Variants in AMZ1 observed in about 807,000 individuals in gnomAD.
AMZ1 encodes archaemetzincin-1.
Under a neutral mutation model 29.9 loss-of-function variants are expected in AMZ1, and 39 were observed. The observed-to-expected ratio is 1.30, with a 90% CI of 1.01 to 1.70. The LOEUF (loss-of-function observed/expected upper bound fraction) is 1.70. Ranked by LOEUF, AMZ1 falls within the 40% of genes most tolerant of loss-of-function variation. AMZ1 has a pLI of 0.00. For synonymous variants in AMZ1, 458 were observed against 304.0 expected, an observed-to-expected ratio of 1.51 and a Z score of -5.27; for missense variants, 1,041 against 680.6, an observed-to-expected ratio of 1.53 and a Z score of -5.89.
intron 1 of AMZ1, among the ~76,000 whole-genome samples, chr7:2,698,972 A>T (rs759414503): frequency 6.6e-6 from 1 of 152,162 alleles, no homozygotes; most frequent in Non-Finnish European, 1.5e-5. Flanking sequence ...TTGCGTGTCT[A>T]GCTCAGCTTT....
At chr7:2,699,479 C>A (rs1469233673) in intron 1 of AMZ1, among the ~76,000 whole-genome samples, 1 of 152,188 alleles carries the variant, frequency 6.6e-6, no homozygotes, top group Non-Finnish European at 1.5e-5. Flanking sequence ...GGATCTCGGG[C>A]CCTCACGTGT....
chr7:2,683,085 C>T (rs1048912439), intron 1 of AMZ1, among the ~76,000 whole-genome samples: 1 of 152,240 alleles, frequency 6.6e-6, no homozygotes, highest in Non-Finnish European at 1.5e-5. Context: ...CTTCCCAGGA[C>T]TCCTTGTGCC....
chr7:2,735,292 A>G (rs1000220106), intron 4 of AMZ1, among the ~76,000 whole-genome samples: 5 of 152,162 alleles, frequency 3.3e-5, no homozygotes, highest in African/African-American at 1.2e-4. Context: ...AGCAGCTCAC[A>G]GCCCAAGCCA....
In AMZ1 at chr7:2,712,399, T is replaced by C. The variant is rs1268254604; in HGVS notation, c.1018T>C (p.Trp340Arg). Residue 340 changes from tryptophan to arginine, a missense_variant, in exon 7 of 7, where the codon TGG becomes CGG. Transcript: ENST00000683327. ...PSQEAGEPSV[W>R]EDTPPASADS... ...CCAGGAGGCGGGGGAGCCGTCAGTG[T>C]GGGAGGACACCCCGCCTGCCAGCGC... The C allele has an allele frequency of 6.2e-7, 1 of 1,611,176 alleles. No homozygotes were observed. Among genetic ancestry groups the C allele is most frequent in the Non-Finnish European group, 8.5e-7 (1 of 1,179,336 alleles).
At chr7:2,680,509 C>T (rs976575741) in intron 1 of AMZ1, among the ~76,000 whole-genome samples, 5 of 152,170 alleles carry the variant, frequency 3.3e-5, no homozygotes, top group African/African-American at 9.7e-5. Context: ...GGCACCCCAG[C>T]TTTCCTTGCT....
intron 3 of AMZ1, among the ~76,000 whole-genome samples, chr7:2,703,776 T>C (rs1246510310): frequency 6.6e-6 from 1 of 152,266 alleles, no homozygotes; most frequent in African/African-American, 2.4e-5. Flanking sequence ...CAACTGAATG[T>C]ATATTAATCC....
chr7:2,707,238 C>T (rs1298770171), intron 3 of AMZ1, among the ~76,000 whole-genome samples: 1 of 151,204 alleles, frequency 6.6e-6, no homozygotes. Flanking sequence ...GATAGCGCCA[C>T]TACACTGCAG....
At chr7:2,690,369 C>G (rs1483041882) in intron 1 of AMZ1, among the ~76,000 whole-genome samples, 1 of 152,202 alleles carries the variant, frequency 6.6e-6, no homozygotes, top group Non-Finnish European at 1.5e-5. Context: ...CAGGCATGCA[C>G]AACCATGCCC....
At chr7:2,712,297 G>T (rs201473143) in intron 6 of AMZ1, 33 bp from the exon 7 acceptor site, 23 of 1,521,196 alleles carry the variant, frequency 1.5e-5, no homozygotes, top group Admixed American at 2.1e-5. Context: ...GGGCTGGCAC[G>T]GAGCAAACTC....
chr7:2,702,272 C>G (rs540419422), intron 2 of AMZ1: 3 of 162,188 alleles, frequency 1.8e-5, no homozygotes, highest in African/African-American at 4.8e-5. Context: ...CAGCCTGGCT[C>G]TGTGTCCTGC....
upstream of AMZ1, among the ~76,000 whole-genome samples, chr7:2,684,240 G>A (rs942885361): frequency 1.3e-5 from 2 of 152,040 alleles, no homozygotes; most frequent in African/African-American, 2.4e-5. Flanking sequence ...ACCTCTTTCT[G>A]TCTCTTACAA....
chr7:2,740,811 G>A (rs959766298), intron 4 of AMZ1, among the ~76,000 whole-genome samples: 12 of 152,174 alleles, frequency 7.9e-5, no homozygotes, highest in African/African-American at 2.4e-4. Context: ...TTGGGAGGCC[G>A]AGGCGGACGG....
chr7:2,701,702 C>A (rs111933050), intron 2 of AMZ1, among the ~76,000 whole-genome samples: 2 of 152,228 alleles, frequency 1.3e-5, no homozygotes, highest in African/African-American at 4.8e-5. Context: ...TTCTGACCAG[C>A]GCACCACGCC....
chr7:2,722,274 A>T (rs927432804), downstream of AMZ1, among the ~76,000 whole-genome samples: 1 of 145,386 alleles, frequency 6.9e-6, no homozygotes, highest in African/African-American at 2.5e-5. Context: ...GGCATTTCGA[A>T]TTTTTTTTTT....
chr7:2,687,470 T>C (rs940723782), upstream of AMZ1, among the ~76,000 whole-genome samples: 3 of 152,170 alleles, frequency 2.0e-5, no homozygotes, highest in African/African-American at 7.2e-5. Flanking sequence ...AAGCTGGTGC[T>C]GGGAGGGTTT....
At chr7:2,755,416 TTTC>T (rs1408130138) in intron 4 of AMZ1, among the ~76,000 whole-genome samples, 16 of 152,186 alleles carry the variant, frequency 1.1e-4, no homozygotes, top group African/African-American at 3.1e-4. Flanking sequence ...TTAGATCTCA[TTTC>T]TTGAGTGTTT....
intron 1 of AMZ1, among the ~76,000 whole-genome samples, chr7:2,681,365 G>A (rs112375517): frequency 0.015 from 2,211 of 152,152 alleles, 46 homozygotes; most frequent in African/African-American, 0.051. Context: ...ATGCCACCAC[G>A]CCCTCAGGTG....
At chr7:2,759,686 C>T (rs1422676347), upstream of AMZ1, among the ~76,000 whole-genome samples, 1 of 152,164 alleles carries the variant, frequency 6.6e-6, no homozygotes, top group East Asian at 1.9e-4. Flanking sequence ...TTTTCAGACC[C>T]TCTTCTGTAG....
chr7:2,725,879 C>A (rs1162007054), intron 4 of AMZ1, among the ~76,000 whole-genome samples: 1 of 152,244 alleles, frequency 6.6e-6, no homozygotes, highest in Non-Finnish European at 1.5e-5. Flanking sequence ...AGTGCCAGAC[C>A]CTCCCCTGGT....
Sources: allele counts gnomAD v4.1 joint callset (sites outside exome capture counted in the v4.1 genomes callset), GRCh38; gene constraint gnomAD v4.1.1; transcripts MANE v1.5; gene names NCBI Gene and HGNC (gene_info 2026-07-23, HGNC 2026-07-21).